Variants in HOXC4 observed in about 807,000 individuals in gnomAD.
HOXC4 encodes homeobox protein Hox-C4.
Under a neutral mutation model 25.5 loss-of-function variants are expected in HOXC4, and 15 were observed. The observed-to-expected ratio is 0.59, with a 90% CI of 0.39 to 0.91. The LOEUF (loss-of-function observed/expected upper bound fraction) is 0.91, where lower values mean the gene tolerates loss of function less well. Ranked by LOEUF, HOXC4 falls within the 40% of genes least tolerant of loss-of-function variation. HOXC4 has a pLI of 0.00. For missense variants in HOXC4, 342 were observed against 352.4 expected, an observed-to-expected ratio of 0.97 and a Z score of 0.24; for synonymous variants, 165 against 148.0, an observed-to-expected ratio of 1.11 and a Z score of -0.83.
At chr12:54,022,012 G>A (rs1940470639) in intron 1 of HOXC4, 1 of 152,248 alleles carries the variant, frequency 6.6e-6, no homozygotes, top group Non-Finnish European at 1.5e-5. Context: ...TATAGGGTCA[G>A]GGGAATTATG....
intron 1 of HOXC4, among the ~76,000 whole-genome samples, chr12:54,018,809 C>A (rs1025343949): frequency 6.6e-6 from 1 of 152,148 alleles, no homozygotes; most frequent in African/African-American, 2.4e-5. Context: ...GGGGGCCAGA[C>A]TTACCTTAAT....
At chr12:54,033,120 G>T (rs754800729) in intron 1 of HOXC4, 5 of 1,595,876 alleles carry the variant, frequency 3.1e-6, no homozygotes, top group East Asian at 2.3e-5. Context: ...GGCCCTCCCC[G>T]CCATGAGCTC....
intron 1 of HOXC4, among the ~76,000 whole-genome samples, chr12:54,022,961 T>A (rs1389652288): frequency 6.6e-6 from 1 of 152,212 alleles, no homozygotes; most frequent in Non-Finnish European, 1.5e-5. Context: ...TGTGACATCC[T>A]CTTGAGGCCC....
rs1937905318 is a variant in HOXC4 at position 54,053,946 on chromosome 12, G to A, written c.24G>A (p.Met8Ile). Residue 8 changes from methionine to isoleucine, a missense_variant, in exon 1 of 2, where the codon ATG becomes ATA. Met to Ile is a conservative substitution (Grantham distance 10). Coordinates refer to ENST00000430889, the MANE Select transcript of HOXC4 (RefSeq NM_153633.3). The stretch of plus-strand genomic sequence containing the variant: ...TAATGATCATGAGCTCGTATTTGAT[G>A]GACTCTAACTACATCGATCCGAAAT... Reference protein sequence around the residue: MIMSSYLMDSNYIDPKFP... With the variant: MIMSSYLIDSNYIDPKFP... 2.5e-6 allele frequency: 4 copies of A among 1,607,866 alleles called. No homozygotes were observed. The highest frequency in any genetic ancestry group is 3.4e-6 in the Non-Finnish European group (4 of 1,174,824).
Position 54,055,103 on chromosome 12 carries a change from G to A in HOXC4, c.693G>A (p.Ala231=). ...GGTCAGCACCCCCGGCCGGCGCTGC[G>A]CCCAGCACCCTTTCGGCAGCTACCC... ...KVRSAPPAGA[A]PSTLSAATPG... Residue 231 remains alanine (A), a synonymous_variant, in exon 2 of 2, where the codon GCG becomes GCA. Coordinates refer to ENST00000430889, the MANE Select transcript of HOXC4 (RefSeq NM_153633.3). 1 of 1,612,892 alleles carries A rather than the reference G, an allele frequency of 6.2e-7. No individual in the cohort carries two copies. The highest frequency in any genetic ancestry group is 8.5e-7 in the Non-Finnish European group (1 of 1,179,726).
chr12:54,027,829 A>G (rs1940791935), intron 1 of HOXC4, among the ~76,000 whole-genome samples: 1 of 152,016 alleles, frequency 6.6e-6, no homozygotes, highest in Non-Finnish European at 1.5e-5. Context: ...CCACATCCCT[A>G]CTACATTCAA....
In HOXC4 at chr12:54,055,091, G is replaced by A; in HGVS notation, c.681G>A (p.Pro227=). 1 of 1,613,212 alleles carries A rather than the reference G, an allele frequency of 6.2e-7. No homozygotes were observed. The highest frequency in any genetic ancestry group is 8.5e-7 in the Non-Finnish European group (1 of 1,179,788). The change falls in exon 2 of 2, where the codon CCG becomes CCA. Residue 227 remains proline, a synonymous_variant. Transcript: ENST00000430889. The stretch of plus-strand genomic sequence containing the variant: ...ACACCAAAGTCAGGTCAGCACCCCC[G>A]GCCGGCGCTGCGCCCAGCACCCTTT... The part of the protein sequence containing the change: ...LPNTKVRSAP[P]AGAAPSTLSA...
At chr12:54,034,509 C>A (rs756039094) in intron 1 of HOXC4, 1 of 1,600,508 alleles carries the variant, frequency 6.2e-7, no homozygotes, top group South Asian at 1.1e-5. Flanking sequence ...CGGGGGAGGC[C>A]CGCAGAGCGC....
At chr12:54,034,715 C>G in intron 1 of HOXC4, 1 of 544,526 alleles carries the variant, frequency 1.8e-6, no homozygotes. Flanking sequence ...CAGCTCGGCT[C>G]AGCTCGGTAC....
chr12:54,026,577 C>T (rs1206621582), intron 1 of HOXC4, among the ~76,000 whole-genome samples: 3 of 152,194 alleles, frequency 2.0e-5, no homozygotes, highest in African/African-American at 7.2e-5. Flanking sequence ...CTTTCCCCTT[C>T]CCTTCCAAAT....
chr12:54,018,032 G>C (rs1004251803), intron 1 of HOXC4, among the ~76,000 whole-genome samples: 1 of 152,192 alleles, frequency 6.6e-6, no homozygotes, highest in African/African-American at 2.4e-5. Flanking sequence ...TTGGCAATTA[G>C]GGGGGAGGCT....
chr12:54,033,411 G>T, intron 1 of HOXC4: 1 of 1,610,150 alleles, frequency 6.2e-7, no homozygotes, highest in African/African-American at 1.3e-5. Context: ...TCTGAACCCC[G>T]GGATGTACAG....
rs777858592 is a variant in HOXC4 at position 54,029,930 on chromosome 12, G to A, written c.-124+12516G>A. ...CCTGGGCGGAAAAGAGGAAAAGCGG[G>A]AAGAGACAGAAGAGGAGAAGCAGAA... On this transcript the variant is annotated intron_variant, in intron 1 of 3. Coordinates refer to the HOXC4 transcript ENST00000303406. The A allele has an allele frequency of 2.5e-6, 4 of 1,595,976 alleles. No individual in the cohort carries two copies. The Admixed American group carries it at 5.3e-5, about 21-fold the overall frequency.
At chr12:54,037,664 G>A (rs1035542529) in intron 1 of HOXC4, among the ~76,000 whole-genome samples, 1 of 152,238 alleles carries the variant, frequency 6.6e-6, no homozygotes, top group African/African-American at 2.4e-5. Flanking sequence ...TGGGGCAAAG[G>A]AACAGCACCA....
chr12:54,035,240 T>C (rs554196645), intron 1 of HOXC4: 1 of 152,966 alleles, frequency 6.5e-6, no homozygotes, highest in South Asian at 2.1e-4. Flanking sequence ...TGCTGTCCCA[T>C]AGTCCCTGCC....
At chr12:54,042,785 C>G (rs1490104419) in intron 1 of HOXC4, among the ~76,000 whole-genome samples, 1 of 152,128 alleles carries the variant, frequency 6.6e-6, no homozygotes, top group Non-Finnish European at 1.5e-5. Context: ...TGTTTGAGAG[C>G]CAAGAAAGTC....
At chr12:54,045,574 A>G (rs1216897606) in intron 1 of HOXC4, among the ~76,000 whole-genome samples, 2 of 152,192 alleles carry the variant, frequency 1.3e-5, no homozygotes, top group Admixed American at 1.3e-4. Context: ...CAGTCTTTGC[A>G]TTTTTGCTGA....
intron 1 of HOXC4, chr12:54,047,719 G>A (rs767861513): frequency 3.3e-5 from 5 of 152,326 alleles, no homozygotes; most frequent in Non-Finnish European, 7.3e-5. Context: ...GCGCGCGGAG[G>A]GGCTTCGGGG....
chr12:54,038,419 G>T (rs1010095904), intron 1 of HOXC4, among the ~76,000 whole-genome samples: 1 of 152,242 alleles, frequency 6.6e-6, no homozygotes, highest in African/African-American at 2.4e-5. Context: ...GTTCCAGGGA[G>T]GGGTGAGTTC....
Sources: allele counts gnomAD v4.1 joint callset (sites outside exome capture counted in the v4.1 genomes callset), GRCh38; gene constraint gnomAD v4.1.1; transcripts MANE v1.5; gene names NCBI Gene and HGNC (gene_info 2026-07-23, HGNC 2026-07-21).